The following KPNA5 variants were observed in gnomAD, a reference collection of about 807,000 sequenced individuals.
KPNA5 encodes importin subunit alpha-6.
In KPNA5, 46 loss-of-function variants were observed where a neutral mutation model predicts 71.3. The ratio of observed to expected loss-of-function variants is 0.65; its 90% CI spans 0.51 to 0.83. The LOEUF (loss-of-function observed/expected upper bound fraction) is 0.83. Ranked by LOEUF, KPNA5 falls within the 40% of genes least tolerant of loss-of-function variation. KPNA5 has a pLI of 0.00. For missense variants in KPNA5, 547 were observed against 628.3 expected (o/e 0.87, Z 1.38); for synonymous variants, 207 against 201.4 (o/e 1.03, Z -0.24).
chr6:116,707,184 C>T (rs1425466106), intron 7 of KPNA5, among the ~76,000 whole-genome samples: 1 of 151,700 alleles, frequency 6.6e-6, no homozygotes, highest in African/African-American at 2.4e-5. Flanking sequence ...AATGATTATG[C>T]ATTATTTGTT....
chr6:116,692,007 A>C (rs1175651513), intron 2 of KPNA5, 48 bp from the exon 3 acceptor site: 1 of 1,180,492 alleles, frequency 8.5e-7, no homozygotes, highest in South Asian at 1.3e-5. Flanking sequence ...TGGCAACTTA[A>C]TGTTTTATGG....
intron 1 of KPNA5, among the ~76,000 whole-genome samples, chr6:116,687,167 GA>G (rs1777623268): frequency 6.6e-6 from 1 of 152,152 alleles, no homozygotes; most frequent in African/African-American, 2.4e-5. Flanking sequence ...CACAAGCATG[GA>G]ATGTTTTTCC....
intron 4 of KPNA5, among the ~76,000 whole-genome samples, chr6:116,697,965 T>G (rs9489013): frequency 0.028 from 4,290 of 152,108 alleles, 175 homozygotes; most frequent in African/African-American, 0.085. Context: ...AGTAATAATA[T>G]CTGGTACTTG....
chr6:116,691,971 C>G, intron 2 of KPNA5, 84 bp from the exon 3 acceptor site: 1 of 832,860 alleles, frequency 1.2e-6, no homozygotes, highest in South Asian at 1.5e-5. Context: ...TTCTTTTGTC[C>G]ACTCAAATGA....
intron 6 of KPNA5, among the ~76,000 whole-genome samples, chr6:116,703,777 T>A (rs1778324961): frequency 6.6e-6 from 1 of 152,202 alleles, no homozygotes; most frequent in Non-Finnish European, 1.5e-5. Flanking sequence ...AAATAAAACT[T>A]TCCCAATTGA....
rs1245371573 is a variant in KPNA5 at position 116,738,413 on chromosome 6, C to T, written c.*6090C>T. 2 of 151,964 alleles carry T rather than the reference C, an allele frequency of 1.3e-5. No individual in the cohort carries two copies. The highest frequency in any genetic ancestry group is 2.9e-5 in the Non-Finnish European group (2 of 67,980). 9.4% of individuals were successfully genotyped at this position (151,964 alleles called of 1,614,324 possible). On this transcript the variant is annotated 3_prime_UTR_variant, in exon 14 of 14. Coordinates refer to ENST00000368564, the MANE Select transcript of KPNA5 (RefSeq NM_001366306.2). ...CAGATGGATTCACAGCTGAATTCTA[C>T]CAGAGGTACAAGGAGGAACTGGTAC... is the stretch of plus-strand genomic sequence containing the variant.
In KPNA5 at chr6:116,716,094, C is replaced by G. The variant is rs116701478; in HGVS notation, c.657-125C>G. 371 of 672,736 alleles carry G rather than the reference C, an allele frequency of 5.5e-4. 2 individuals are homozygous for G. The African/African-American group carries it at 6.3e-3, about 11-fold the overall frequency. 41.7% of individuals were successfully genotyped at this position (672,736 alleles called of 1,614,324 possible). Reference sequence around the variant, plus strand: ...GTGAAAACATAATGAATTTTAGATTCTTTTTTCCTATTTTGCTAGTTTGAA... The same window carrying G: ...GTGAAAACATAATGAATTTTAGATTGTTTTTTCCTATTTTGCTAGTTTGAA... On this transcript the variant is annotated intron_variant, in intron 7 of 13. Transcript: ENST00000368564.
chr6:116,689,587 T>C, intron 2 of KPNA5, 134 bp downstream of exon 2: 1 of 716,546 alleles, frequency 1.4e-6, no homozygotes, highest in Non-Finnish European at 2.1e-6. Context: ...CCAGGCATCA[T>C]AATTGCAAAT....
intron 7 of KPNA5, among the ~76,000 whole-genome samples, chr6:116,709,187 G>A (rs906097820): frequency 1.1e-4 from 16 of 152,184 alleles, no homozygotes; most frequent in African/African-American, 3.6e-4. Context: ...CATGTCATCT[G>A]TCAATAATGT....
intron 7 of KPNA5, among the ~76,000 whole-genome samples, chr6:116,711,159 G>A (rs1394892569): frequency 2.0e-5 from 3 of 151,298 alleles, no homozygotes; most frequent in Non-Finnish European, 2.9e-5. Context: ...CTCCTGAAGT[G>A]CTGGGATTAC....
rs1177202110 is a variant in KPNA5, at chr6:116,741,356, C to A, written c.*9033C>A. 1 of 151,192 alleles carries A rather than the reference C, an allele frequency of 6.6e-6. No individual in the cohort carries two copies. The highest frequency in any genetic ancestry group is 2.4e-5 in the African/African-American group (1 of 41,180). The allele number at this position is 151,192 out of a possible 1,614,324, so 9.4% of individuals were successfully genotyped here. ...TGTGCATAGAAATTTAGAATTACAT[C>A]TTTTTTTTTAAGGTTCAGATGAGAA... On this transcript the variant is annotated 3_prime_UTR_variant, in exon 14 of 14. Coordinates refer to ENST00000368564, the MANE Select transcript of KPNA5 (RefSeq NM_001366306.2).
chr6:116,710,167 T>G (rs1215026558), intron 7 of KPNA5, among the ~76,000 whole-genome samples: 2 of 152,192 alleles, frequency 1.3e-5, no homozygotes, highest in Non-Finnish European at 2.9e-5. Context: ...GTTTATTATT[T>G]TGATTGATAT....
chr6:116,728,177 C>T (rs946389800), intron 12 of KPNA5, among the ~76,000 whole-genome samples: 12 of 151,760 alleles, frequency 7.9e-5, no homozygotes, highest in African/African-American at 2.7e-4. Context: ...TAAATGAAGA[C>T]CCTTCCTTTG....
Position 116,726,621 on chromosome 6 carries a change from A to C in KPNA5, c.1252A>C (p.Arg418=), listed in dbSNP as rs1185067131. The part of the protein sequence containing the change: ...ATSGGTPEQI[R]YLVALGCIKP... The stretch of plus-strand genomic sequence containing the variant: ...ATCAGGAGGTACTCCAGAGCAAATA[A>C]GGTATGATATAAACTTCTTAATTGT... The change falls in exon 12 of 14, where the codon AGG becomes CGG. Residue 418 remains arginine (R), a splice_region_variant and synonymous_variant. Coordinates refer to ENST00000368564, the MANE Select transcript of KPNA5 (RefSeq NM_001366306.2). The C allele has an allele frequency of 1.9e-6, 3 of 1,592,940 alleles. No individual in the cohort carries two copies. The highest frequency in any genetic ancestry group is 8.5e-7 in the Non-Finnish European group (1 of 1,173,236).
At chr6:116,732,075 TATATATA>T in intron 13 of KPNA5, 54 bp from the exon 14 acceptor site, 1 of 125,826 alleles carries the variant, frequency 7.9e-6, no homozygotes. Flanking sequence ...ACAGTTTGTT[TATATATA>T]TATATATATA....
At chr6:116,710,447 G>A (rs937499961) in intron 7 of KPNA5, among the ~76,000 whole-genome samples, 4 of 151,972 alleles carry the variant, frequency 2.6e-5, no homozygotes, top group African/African-American at 9.7e-5. Flanking sequence ...GGGTACACGC[G>A]GTGTTTTGAT....
intron 5 of KPNA5, among the ~76,000 whole-genome samples, chr6:116,701,437 G>C (rs571641295): frequency 1.3e-5 from 2 of 152,156 alleles, no homozygotes; most frequent in East Asian, 3.9e-4. Context: ...TAATTGAGTT[G>C]ATACGATAAC....
intron 11 of KPNA5, 134 bp downstream of exon 11, chr6:116,726,010 C>T: frequency 1.1e-6 from 1 of 929,702 alleles, no homozygotes; most frequent in Non-Finnish European, 1.6e-6. Flanking sequence ...CATGGGCTTT[C>T]CTCCTCTAAA....
At chr6:116,693,810 C>T (rs1278966294) in intron 4 of KPNA5, among the ~76,000 whole-genome samples, 4 of 151,684 alleles carry the variant, frequency 2.6e-5, no homozygotes, top group African/African-American at 9.7e-5. Flanking sequence ...AAGTCCTTGC[C>T]CATGCCTATG....
Sources: gnomAD v4.1 joint callset for allele counts (sites outside exome capture counted in the v4.1 genomes callset) on GRCh38, gnomAD v4.1.1 for gene constraint, MANE v1.5 for transcripts, NCBI Gene and HGNC (gene_info 2026-07-23, HGNC 2026-07-21) for gene names.